SYNE2: variants seen among roughly 807,000 people sequenced by gnomAD.
SYNE2 encodes the protein spectrin repeat containing nuclear envelope protein 2, also known as nesprin-2.
In SYNE2, 431 loss-of-function variants were observed where a neutral mutation model predicts 856.3. The ratio of observed to expected loss-of-function variants is 0.50; its 90% CI spans 0.47 to 0.55. The LOEUF is 0.55. SYNE2 is among the 20% of genes least tolerant of loss of function. SYNE2 has a pLI of 0.00. For missense variants in SYNE2, 8,129 were observed against 8,023.2 expected, an observed-to-expected ratio of 1.01 and a Z score of -0.50; for synonymous variants, 2,923 against 2,872.3, an observed-to-expected ratio of 1.02 and a Z score of -0.56.
intron 52 of SYNE2, 71 bp downstream of exon 52, chr14:64,070,981 G>A: frequency 3.3e-6 from 5 of 1,529,794 alleles, no homozygotes; most frequent in Middle Eastern, 1.9e-4. Context: ...AAATCTAAAA[G>A]TATAGAATAA....
Position 64,022,027 on chromosome 14 carries a change from T to C in SYNE2, c.5523T>C (p.Asn1841=). 1 of 1,613,484 alleles carries C rather than the reference T, an allele frequency of 6.2e-7. No individual in the cohort carries two copies. The highest frequency in any genetic ancestry group is 8.5e-7 in the Non-Finnish European group (1 of 1,179,634). ...AAGATCACTTTTCTAAGTTATTGAA[T>C]GGTGAGTGCAACATTTCTCTTATTT... is the stretch of plus-strand genomic sequence containing the variant. ...VLQDHFSKLL[N]DQCKNFNDWF... Residue 1841 remains asparagine, a splice_region_variant and synonymous_variant, in exon 37 of 116, where the codon AAT becomes AAC. Coordinates refer to ENST00000555002, the MANE Select transcript of SYNE2 (RefSeq NM_182914.3).
chr14:64,161,920 AT>A, intron 87 of SYNE2, 151 bp from the exon 88 acceptor site: 1 of 789,500 alleles, frequency 1.3e-6, no homozygotes, highest in Non-Finnish European at 2.1e-6. Context: ...AATGGTTTCT[AT>A]AATGGTGATG....
intron 21 of SYNE2, 69 bp downstream of exon 21, chr14:63,991,184 T>TA: frequency 6.8e-7 from 1 of 1,470,716 alleles, no homozygotes; most frequent in Non-Finnish European, 9.4e-7. Flanking sequence ...GAAATCAAGA[T>TA]GTTTCCTTCA....
chr14:64,107,423 G>A (rs1567320624), intron 64 of SYNE2, 68 bp from the exon 65 acceptor site: 8 of 1,357,444 alleles, frequency 5.9e-6, no homozygotes, highest in South Asian at 2.3e-5. Flanking sequence ...ATGAGCATGC[G>A]CAGAAAGAAG....
At chr14:64,002,607 C>G (rs1038726042) in intron 29 of SYNE2, 113 bp from the exon 30 acceptor site, 15 of 1,236,530 alleles carry the variant, frequency 1.2e-5, no homozygotes, top group Non-Finnish European at 1.6e-5. Context: ...TTTTGTTAAA[C>G]TCAAAAGCAT....
intron 106 of SYNE2, 54 bp downstream of exon 106, chr14:64,214,524 A>G: frequency 6.5e-7 from 1 of 1,540,586 alleles, no homozygotes; most frequent in Non-Finnish European, 8.8e-7. Context: ...CTATGTTTTT[A>G]GCCCCTTAGC....
intron 1 of SYNE2, among the ~76,000 whole-genome samples, chr14:63,772,769 T>C (rs2139710449): frequency 6.6e-6 from 1 of 151,834 alleles, no homozygotes; most frequent in East Asian, 1.9e-4. Context: ...AAAACAAAAA[T>C]CTAAGCTACA....
intron 1 of SYNE2, among the ~76,000 whole-genome samples, chr14:63,816,771 C>T (rs1889010024): frequency 6.6e-6 from 1 of 151,822 alleles, no homozygotes; most frequent in South Asian, 2.1e-4. Context: ...GGCTAGAGTA[C>T]AGTGGCATGA....
At chr14:63,796,852 G>T (rs1887932955) in intron 1 of SYNE2, among the ~76,000 whole-genome samples, 1 of 152,068 alleles carries the variant, frequency 6.6e-6, no homozygotes, top group African/African-American at 2.4e-5. Context: ...GGCCGAGGAA[G>T]GCAGATCACG....
intron 52 of SYNE2, among the ~76,000 whole-genome samples, chr14:64,071,490 T>A (rs913577948): frequency 6.6e-6 from 1 of 151,608 alleles, no homozygotes; most frequent in African/African-American, 2.4e-5. Flanking sequence ...TGAGACTCTG[T>A]CTCAAAAAAA....
rs2097904143 is a variant in SYNE2, at chr14:64,122,306, A to C, written c.13301A>C (p.Glu4434Ala). 1 of 1,614,228 alleles carries C rather than the reference A, an allele frequency of 6.2e-7. No individual in the cohort carries two copies. The highest frequency in any genetic ancestry group is 8.5e-7 in the Non-Finnish European group (1 of 1,180,030). ...AAAAGCAACCAGGCATCCAGCCCTG[A>C]AAATGACGTTCCAGACTCGATCTTG... is the stretch of plus-strand genomic sequence containing the variant. Reference protein sequence around the residue: ...SSASNQASSPENDVPDSILSP... With the variant: ...SSASNQASSPANDVPDSILSP... The change falls in exon 70 of 116, where the codon GAA becomes GCA. Residue 4434 changes from glutamate (E) to alanine (A), a missense_variant. Transcript: ENST00000555002.
intron 77 of SYNE2, among the ~76,000 whole-genome samples, chr14:64,133,478 G>A (rs991160092): frequency 6.6e-6 from 1 of 152,038 alleles, no homozygotes; most frequent in Non-Finnish European, 1.5e-5. Context: ...GTGTGTTGGG[G>A]TCCTCGGGGT....
rs2097930781 is a variant in SYNE2 at position 64,125,194 on chromosome 14, G to A, written c.13538G>A (p.Ser4513Asn). ...TQLEDLRQEASNLQTQENMTE... is the reference protein window; with the variant it reads ...TQLEDLRQEANNLQTQENMTE... ...CTTGAAGACCTGCGCCAAGAAGCAA[G>A]TAACCTTCAGACACAGGTAGAAGCT... is the stretch of plus-strand genomic sequence containing the variant. The change falls in exon 71 of 116, where the codon AGT (serine) becomes AAT (asparagine). Residue 4513 changes from serine (S) to asparagine (N), a missense_variant. This residue lies in a region of SYNE2 where 5,410 missense variants were observed against 5,284.8 expected (regional missense o/e 1.02). Transcript: ENST00000555002. 1 of 1,614,014 alleles carries A rather than the reference G, an allele frequency of 6.2e-7. No individual in the cohort carries two copies. The highest frequency in any genetic ancestry group is 1.1e-5 in the South Asian group (1 of 91,082).
chr14:64,189,163 G>T (rs960728201), intron 98 of SYNE2, among the ~76,000 whole-genome samples: 1 of 151,948 alleles, frequency 6.6e-6, no homozygotes, highest in African/African-American at 2.4e-5. Context: ...GTGAAACCTC[G>T]TCTCTACTAA....
chr14:64,073,826 A>G lies in SYNE2; in HGVS notation c.10698-142A>G, dbSNP rs139761520. 326 of 886,182 alleles carry G rather than the reference A, an allele frequency of 3.7e-4. 3 individuals are homozygous for G. In the African/African-American group the frequency reaches 4.4e-3, roughly 12 times the overall value. 54.9% of individuals were successfully genotyped at this position (886,182 alleles called of 1,614,324 possible). A position where few individuals can be genotyped will look rare whatever the true frequency, so the allele number is the denominator to read the frequency against. ...ATATGTGGTACATCCATTATTGAAAATTGTTACTTTTTTTCTTAGAGGAAA... is the reference window on the plus strand; with the variant it reads ...ATATGTGGTACATCCATTATTGAAAGTTGTTACTTTTTTTCTTAGAGGAAA... On this transcript the variant is annotated intron_variant, in intron 52 of 115. Transcript: ENST00000555002.
chr14:63,955,009 CTCTATTT>C lies in SYNE2; in HGVS notation c.787+96_787+102del, dbSNP rs2096222673. ...CTATACATGAATAAACATAGTGGCA[CTCTATTT>C]TAGTCCTGGAGGGTTTAACTTAAGC... On this transcript the variant is annotated intron_variant, in intron 8 of 115. Transcript: ENST00000555002. 5 of 1,054,214 alleles carry C rather than the reference CTCTATTT, an allele frequency of 4.7e-6. No homozygotes were observed. The Admixed American group carries it at 7.5e-5, about 16-fold the overall frequency. 65.3% of individuals were successfully genotyped at this position (1,054,214 alleles called of 1,614,324 possible).
At chr14:63,983,911 T>G (rs1163930788) in intron 18 of SYNE2, 25 bp downstream of exon 18, 1 of 1,428,460 alleles carries the variant, frequency 7.0e-7, no homozygotes. Context: ...CTTTGTATAT[T>G]TCACTTGCAA....
At chr14:63,908,101 T>G (rs1187368547) in intron 1 of SYNE2, among the ~76,000 whole-genome samples, 1 of 152,166 alleles carries the variant, frequency 6.6e-6, no homozygotes, top group Non-Finnish European at 1.5e-5. Context: ...ATATTTAATA[T>G]GATTGACCGT....
chr14:63,957,269 T>TTG (rs1566907219), intron 8 of SYNE2, among the ~76,000 whole-genome samples: 1 of 114,606 alleles, frequency 8.7e-6, no homozygotes, highest in Non-Finnish European at 1.8e-5. Context: ...AGCTAATTTT[T>TTG]TTTTTTTTTT....
Sources: gnomAD v4.1 joint callset for allele counts (sites outside exome capture counted in the v4.1 genomes callset) on GRCh38, gnomAD v4.1.1 for gene constraint, gnomAD v4.1.1 regional missense constraint, MANE v1.5 for transcripts, NCBI Gene and HGNC (gene_info 2026-07-23, HGNC 2026-07-21) for gene names.